The following SETBP1 variants were observed in gnomAD, a reference collection of about 807,000 sequenced individuals.
SETBP1 encodes SET-binding protein.
In SETBP1, 9 loss-of-function variants were observed where a neutral mutation model predicts 101.0. That is an observed-to-expected ratio of 0.09 (90% CI 0.05 to 0.16). The LOEUF is 0.16. Ranked by LOEUF, SETBP1 falls within the 10% of genes least tolerant of loss-of-function variation. The pLI is 1.00. For missense variants in SETBP1, 1,858 were observed against 2,033.8 expected (o/e 0.91, Z 1.66); for synonymous variants, 818 against 788.5 (o/e 1.04, Z -0.63).
At chr18:44,708,332 G>A (rs2069264961) in intron 2 of SETBP1, among the ~76,000 whole-genome samples, 1 of 152,202 alleles carries the variant, frequency 6.6e-6, no homozygotes, top group Non-Finnish European at 1.5e-5. Flanking sequence ...GGGAGTATGA[G>A]CTTCTTCCTC....
intron 2 of SETBP1, among the ~76,000 whole-genome samples, chr18:44,779,986 T>A (rs1296141320): frequency 1.3e-5 from 2 of 151,058 alleles, no homozygotes; most frequent in Non-Finnish European, 3.0e-5. Flanking sequence ...ATGTGCACAC[T>A]CACACACACT....
intron 2 of SETBP1, among the ~76,000 whole-genome samples, chr18:44,749,484 C>T (rs558212408): frequency 3.3e-5 from 5 of 152,246 alleles, no homozygotes; most frequent in Admixed American, 6.5e-5. Flanking sequence ...TTAGGAAACC[C>T]AGACCCTGGG....
At chr18:44,867,450 C>G (rs2069153444) in intron 2 of SETBP1, among the ~76,000 whole-genome samples, 1 of 152,242 alleles carries the variant, frequency 6.6e-6, no homozygotes, top group South Asian at 2.1e-4. Context: ...CCTGACTGCT[C>G]TTGCTTCATT....
intron 2 of SETBP1, among the ~76,000 whole-genome samples, chr18:44,727,436 G>T (rs1427393643): frequency 1.3e-4 from 20 of 152,128 alleles, no homozygotes; most frequent in Non-Finnish European, 1.5e-5. Context: ...TTCTAAACTT[G>T]CTGCTTTCAC....
intron 2 of SETBP1, among the ~76,000 whole-genome samples, chr18:44,814,633 G>GT (rs2071937998): frequency 6.6e-6 from 1 of 152,182 alleles, no homozygotes; most frequent in Non-Finnish European, 1.5e-5. Flanking sequence ...AAGGACAAGT[G>GT]TTTTTAAGAA....
chr18:44,847,532 C>G (rs531369266), intron 2 of SETBP1, among the ~76,000 whole-genome samples: 2 of 152,284 alleles, frequency 1.3e-5, no homozygotes, highest in Non-Finnish European at 2.9e-5. Flanking sequence ...AAGCCCATCT[C>G]CAGGGCTAGA....
At chr18:44,837,478 G>A (rs563704690) in intron 2 of SETBP1, among the ~76,000 whole-genome samples, 433 of 152,178 alleles carry the variant, frequency 2.8e-3, no homozygotes, top group African/African-American at 1.0e-2. Context: ...ATTTGATAAC[G>A]GATACAGGAC....
intron 5 of SETBP1, among the ~76,000 whole-genome samples, chr18:45,058,980 AG>A (rs888904483): frequency 4.6e-5 from 7 of 152,346 alleles, no homozygotes; most frequent in South Asian, 2.1e-4. Context: ...AAAAATATTT[AG>A]GTGAAATAAA....
At chr18:44,801,249 G>A (rs1436331990) in intron 2 of SETBP1, among the ~76,000 whole-genome samples, 1 of 151,974 alleles carries the variant, frequency 6.6e-6, no homozygotes, top group Non-Finnish European at 1.5e-5. Flanking sequence ...CCTGCACATT[G>A]TGCACATGTA....
chr18:44,878,701 CT>C (rs1401415865), intron 3 of SETBP1, among the ~76,000 whole-genome samples: 1 of 152,136 alleles, frequency 6.6e-6, no homozygotes, highest in African/African-American at 2.4e-5. Context: ...AGCAAGCTCA[CT>C]TTTTTAGTTC....
At chr18:44,740,628 C>T (rs1158428527) in intron 2 of SETBP1, among the ~76,000 whole-genome samples, 2 of 152,146 alleles carry the variant, frequency 1.3e-5, no homozygotes, top group South Asian at 2.1e-4. Flanking sequence ...ATACATTTCT[C>T]GTGGACACTG....
At chr18:44,717,916 G>C (rs1216626082) in intron 2 of SETBP1, among the ~76,000 whole-genome samples, 1 of 150,638 alleles carries the variant, frequency 6.6e-6, no homozygotes. Flanking sequence ...ATATGCATCT[G>C]TGTGTGTGTG....
At chr18:44,900,715 G>T (rs1211537182) in intron 3 of SETBP1, among the ~76,000 whole-genome samples, 2 of 152,186 alleles carry the variant, frequency 1.3e-5, no homozygotes, top group African/African-American at 4.8e-5. Context: ...TTACTCTGGG[G>T]ATTGGTCCCA....
intron 2 of SETBP1, among the ~76,000 whole-genome samples, chr18:44,781,479 GTCTC>G (rs376701165): frequency 6.8e-6 from 1 of 146,954 alleles, no homozygotes; most frequent in Non-Finnish European, 1.5e-5. Flanking sequence ...CTCTGTCTCT[GTCTC>G]TCTCTCTCTC....
At chr18:44,948,782 A>T (rs1199320845) in intron 3 of SETBP1, among the ~76,000 whole-genome samples, 1 of 152,232 alleles carries the variant, frequency 6.6e-6, no homozygotes, top group Non-Finnish European at 1.5e-5. Context: ...AAGTAGCTTT[A>T]ATATCTCCAA....
chr18:44,783,658 T>A (rs968230743), intron 2 of SETBP1, among the ~76,000 whole-genome samples: 1 of 152,190 alleles, frequency 6.6e-6, no homozygotes, highest in Non-Finnish European at 1.5e-5. Context: ...TTCCACAGAC[T>A]TTTGTGTATA....
chr18:44,963,601 C>T (rs372342487), intron 4 of SETBP1, among the ~76,000 whole-genome samples: 6 of 152,072 alleles, frequency 3.9e-5, no homozygotes, highest in African/African-American at 2.4e-5. Flanking sequence ...AAAAATGCTA[C>T]GTGCTGACTG....
At chr18:44,813,619 T>C (rs1351140007) in intron 2 of SETBP1, among the ~76,000 whole-genome samples, 1 of 152,208 alleles carries the variant, frequency 6.6e-6, no homozygotes, top group Admixed American at 6.5e-5. Flanking sequence ...TCTATGATTT[T>C]GCCATCATTA....
intron 4 of SETBP1, among the ~76,000 whole-genome samples, chr18:45,028,355 G>T (rs2073215347): frequency 6.6e-6 from 1 of 151,870 alleles, no homozygotes. Flanking sequence ...ATTTTTTATG[G>T]CTGCATAGTA....
Sources: allele counts gnomAD v4.1 joint callset (sites outside exome capture counted in the v4.1 genomes callset), GRCh38; gene constraint gnomAD v4.1.1; transcripts MANE v1.5; gene names NCBI Gene and HGNC (gene_info 2026-07-23, HGNC 2026-07-21).